Variants in DPH6 observed in about 807,000 individuals in gnomAD.
The protein encoded by DPH6 is diphthine--ammonia ligase.
A neutral mutation model predicts 38.2 loss-of-function variants in DPH6; 33 were observed. That is an observed-to-expected ratio of 0.86 (90% confidence interval 0.65 to 1.15). The LOEUF (loss-of-function observed/expected upper bound fraction) is 1.15, where lower values mean the gene tolerates loss of function less well. DPH6 is among the 50% of genes most tolerant of loss of function. The probability of loss-of-function intolerance (pLI) is 0.00; values close to 1 mark genes in which losing one functional copy is unlikely to be tolerated. For synonymous variants in DPH6, 108 were observed against 103.0 expected (o/e 1.05, Z -0.30); for missense variants, 325 against 320.0 (o/e 1.02, Z -0.12).
chr15:35,154,829 A>G, the DPH6 span, among the ~76,000 whole-genome samples: 1 of 152,202 alleles, frequency 6.6e-6, no homozygotes. Flanking sequence ...ACACCGCCAT[A>G]AGATATCATG....
At chr15:35,477,569 T>C (rs754691252) in intron 3 of DPH6, among the ~76,000 whole-genome samples, 8 of 151,820 alleles carry the variant, frequency 5.3e-5, no homozygotes, top group African/African-American at 1.7e-4. Context: ...GTCAGACCAG[T>C]GTAATATTTT....
intron 3 of DPH6, among the ~76,000 whole-genome samples, chr15:35,479,169 T>G (rs2054297792): frequency 6.6e-6 from 1 of 152,092 alleles, no homozygotes; most frequent in Admixed American, 6.6e-5. Context: ...TCATTCTTTT[T>G]CACTGAGTGC....
chr15:35,519,827 T>C (rs144333322), intron 3 of DPH6: 2 of 152,262 alleles, frequency 1.3e-5, no homozygotes, highest in East Asian at 3.9e-4. Flanking sequence ...CATGGAAATC[T>C]ACTAAGCCTG....
chr15:35,401,467 G>T (rs1306211872), intron 6 of DPH6: 7 of 773,762 alleles, frequency 9.0e-6, no homozygotes, highest in Admixed American at 3.5e-5. Context: ...TGGTGGACAG[G>T]GTTATGGAAA....
At chr15:35,464,438 G>C (rs919631469) in intron 3 of DPH6, among the ~76,000 whole-genome samples, 3 of 152,070 alleles carry the variant, frequency 2.0e-5, no homozygotes, top group Non-Finnish European at 4.4e-5. Context: ...AGTCAGAAAT[G>C]CTGATTCTTT....
rs190282186 is a variant in DPH6 at position 35,471,867 on chromosome 15, C to A, written c.313-17047G>T. Among the ~76,000 whole-genome samples the A allele has an allele frequency of 2.1e-3, 325 of 152,304 alleles. 2 individuals carry two copies. The highest frequency in any genetic ancestry group is 7.6e-3 in the African/African-American group (315 of 41,556). ...TCTTAGTTCTATTAGATTCTGTTAG[C>A]ATCCACATAGTGTGCAGTATAATGC... is the stretch of plus-strand genomic sequence containing the variant. On this transcript the variant is annotated intron_variant, in intron 3 of 8. Coordinates refer to ENST00000256538, the MANE Select transcript of DPH6 (RefSeq NM_080650.4).
At chr15:35,306,019 C>A (rs2052087919) in intron 3 of DPH6, among the ~76,000 whole-genome samples, 1 of 152,170 alleles carries the variant, frequency 6.6e-6, no homozygotes, top group Non-Finnish European at 1.5e-5. Context: ...GGGCCCCTAG[C>A]CTTAAGACAG....
intron 3 of DPH6, among the ~76,000 whole-genome samples, chr15:35,296,854 G>T (rs1281243854): frequency 8.7e-6 from 1 of 114,638 alleles, no homozygotes; most frequent in Non-Finnish European, 1.5e-5. Context: ...CCGGACTGCG[G>T]ACTGCAGTGG....
chr15:35,246,069 G>T (rs2051635942), intron 3 of DPH6, among the ~76,000 whole-genome samples: 1 of 152,094 alleles, frequency 6.6e-6, no homozygotes, highest in African/African-American at 2.4e-5. Flanking sequence ...CCCTGCCCCT[G>T]CCAGCCAGAG....
intron 3 of DPH6, among the ~76,000 whole-genome samples, chr15:35,239,726 CA>C (rs2051583964): frequency 7.0e-6 from 1 of 142,140 alleles, no homozygotes; most frequent in South Asian, 2.5e-4. Context: ...TTTCCTGGGG[CA>C]GGGGCAAGTA....
At chr15:35,532,455 T>C (rs1301400247) in intron 3 of DPH6, among the ~76,000 whole-genome samples, 1 of 152,106 alleles carries the variant, frequency 6.6e-6, no homozygotes, top group African/African-American at 2.4e-5. Context: ...CAATAGGTGC[T>C]GGAGCTATAA....
the DPH6 span, among the ~76,000 whole-genome samples, chr15:35,171,919 G>A: frequency 6.6e-6 from 1 of 151,908 alleles, no homozygotes; most frequent in African/African-American, 2.4e-5. Flanking sequence ...TCAGGCTGGA[G>A]TGCAATGGCG....
chr15:35,257,795 T>TGC (rs1475546041), intron 3 of DPH6, among the ~76,000 whole-genome samples: 4 of 151,970 alleles, frequency 2.6e-5, no homozygotes, highest in African/African-American at 9.7e-5. Context: ...TGTGTGTGTG[T>TGC]GCATTTTCTT....
the DPH6 span, among the ~76,000 whole-genome samples, chr15:35,185,378 T>C: frequency 4.6e-5 from 7 of 152,266 alleles, no homozygotes; most frequent in East Asian, 1.2e-3. Flanking sequence ...AGCTGGAGTA[T>C]AGTGTTCTGA....
the DPH6 span, among the ~76,000 whole-genome samples, chr15:35,189,397 C>A: frequency 6.6e-6 from 1 of 152,144 alleles, no homozygotes; most frequent in Non-Finnish European, 1.5e-5. Flanking sequence ...ACCCTTTCTC[C>A]TGCTACATTT....
At chr15:35,176,214 G>A in the DPH6 span, among the ~76,000 whole-genome samples, 1 of 152,174 alleles carries the variant, frequency 6.6e-6, no homozygotes, top group Non-Finnish European at 1.5e-5. Context: ...TTGTGATGGA[G>A]CTGCTGAAAT....
chr15:35,320,849 G>A (rs2052234615), intron 3 of DPH6, among the ~76,000 whole-genome samples: 1 of 151,798 alleles, frequency 6.6e-6, no homozygotes, highest in African/African-American at 2.4e-5. Context: ...ATTTTGGCAG[G>A]GAGAAAAAAA....
chr15:35,402,928 A>G (rs926112300), intron 6 of DPH6, among the ~76,000 whole-genome samples: 1 of 152,094 alleles, frequency 6.6e-6, no homozygotes, highest in African/African-American at 2.4e-5. Context: ...TGCATATATC[A>G]TAAGTAAATA....
At chr15:35,325,025 A>T (rs537354334) in intron 3 of DPH6, among the ~76,000 whole-genome samples, 34 of 152,260 alleles carry the variant, frequency 2.2e-4, no homozygotes, top group African/African-American at 7.5e-4. Flanking sequence ...AAATCACAAT[A>T]AGATGGAAAA....
Sources: gnomAD v4.1 joint callset for allele counts (sites outside exome capture counted in the v4.1 genomes callset) on GRCh38, gnomAD v4.1.1 for gene constraint, MANE v1.5 for transcripts, NCBI Gene and HGNC (gene_info 2026-07-23, HGNC 2026-07-21) for gene names.